TLE4: variants seen among roughly 807,000 people sequenced by gnomAD.
TLE4 encodes transducin-like enhancer protein 4.
In TLE4, 8 loss-of-function variants were observed where a neutral mutation model predicts 92.8. The observed-to-expected ratio is 0.09, with a 90% CI of 0.05 to 0.16. The LOEUF (loss-of-function observed/expected upper bound fraction) is 0.16, where lower values mean the gene tolerates loss of function less well. Ranked by LOEUF, TLE4 falls within the 10% of genes least tolerant of loss-of-function variation. The pLI, the probability that TLE4 is intolerant of heterozygous loss-of-function variation, is 1.00. For synonymous variants in TLE4, 371 were observed against 374.1 expected (o/e 0.99, Z 0.10); for missense variants, 675 against 997.6 (o/e 0.68, Z 4.36).
chr9:79,606,187 G>GTTTTTTTTTTTTTTTTTTTTT lies in TLE4; in HGVS notation c.253-6451_253-6431dup, dbSNP rs71364420. On this transcript the variant is annotated intron_variant, in intron 4 of 19. Coordinates refer to ENST00000376552, the MANE Select transcript of TLE4 (RefSeq NM_007005.6). Reference sequence around the variant, plus strand: ...ATTGCTTTATTAAGCAGTAGTAGTTGTTTTTTTTTTTTTTTTTTTTTTTTT... The same window carrying GTTTTTTTTTTTTTTTTTTTTT: ...ATTGCTTTATTAAGCAGTAGTAGTTGTTTTTTTTTTTTTTTTTTTTTTTTTTTTTTTTTTTTTTTTTTTTTT... Among the ~76,000 whole-genome samples the GTTTTTTTTTTTTTTTTTTTTT allele has an allele frequency of 7.3e-4, 21 of 28,710 alleles. 8 individuals are homozygous for GTTTTTTTTTTTTTTTTTTTTT. Among genetic ancestry groups the GTTTTTTTTTTTTTTTTTTTTT allele is most frequent in the East Asian group, 1.9e-3 (2 of 1,034 alleles). The allele number at this position is 28,710 out of a possible 152,430, so 18.8% of individuals were successfully genotyped here.
intron 4 of TLE4, among the ~76,000 whole-genome samples, chr9:79,605,448 T>C (rs981116173): frequency 1.9e-4 from 29 of 152,138 alleles, no homozygotes; most frequent in African/African-American, 7.0e-4. Context: ...ACTGTTAACA[T>C]TGGAGCAGTA....
rs115746466 is a variant in TLE4, at chr9:79,581,742, A to G, written c.252+5565A>G. Among the ~76,000 whole-genome samples the G allele has an allele frequency of 2.9e-3, 443 of 152,282 alleles. 2 individuals carry two copies. The highest frequency in any genetic ancestry group is 0.01 in the African/African-American group (419 of 41,564). ...TTTATGTGGGAGGATATCTCCTGGG[A>G]GATGGGTTTGCTATGGGTTAGAGAT... On this transcript the variant is annotated intron_variant, in intron 4 of 19. Coordinates refer to ENST00000376552, the MANE Select transcript of TLE4 (RefSeq NM_007005.6).
chr9:79,650,822 T>C (rs982324042), intron 6 of TLE4, among the ~76,000 whole-genome samples: 1 of 152,080 alleles, frequency 6.6e-6, no homozygotes, highest in African/African-American at 2.4e-5. Flanking sequence ...ATTGACTATA[T>C]TTTAAGTGCA....
At chr9:79,682,968 A>G (rs1194357841) in intron 8 of TLE4, among the ~76,000 whole-genome samples, 3 of 152,324 alleles carry the variant, frequency 2.0e-5, no homozygotes, top group East Asian at 3.9e-4. Flanking sequence ...TGAGTAAACT[A>G]TGGCCCACAG....
At chr9:79,573,565 A>C (rs1483436495) in intron 1 of TLE4, 124 bp from the exon 2 acceptor site, 129 of 862,376 alleles carry the variant, frequency 1.5e-4, no homozygotes, top group Non-Finnish European at 4.5e-5. Context: ...GGAGAGTTTT[A>C]ATCTCTCTTT....
intron 14 of TLE4, among the ~76,000 whole-genome samples, chr9:79,713,080 A>G (rs997965276): frequency 1.3e-5 from 2 of 152,226 alleles, no homozygotes; most frequent in Non-Finnish European, 2.9e-5. Flanking sequence ...TCGTATTTCA[A>G]TGTAAAATAC....
intron 5 of TLE4, among the ~76,000 whole-genome samples, chr9:79,624,655 C>T (rs1313998801): frequency 6.6e-6 from 1 of 152,126 alleles, no homozygotes; most frequent in Non-Finnish European, 1.5e-5. Flanking sequence ...TTCCGGTTTT[C>T]TGAAAAAATG....
At chr9:79,717,583 C>T (rs1265080093) in intron 14 of TLE4, among the ~76,000 whole-genome samples, 1 of 152,146 alleles carries the variant, frequency 6.6e-6, no homozygotes, top group Non-Finnish European at 1.5e-5. Context: ...TAGTTGAGGA[C>T]CATTCAATAA....
chr9:79,715,266 A>G (rs1338286392), intron 14 of TLE4, among the ~76,000 whole-genome samples: 1 of 152,214 alleles, frequency 6.6e-6, no homozygotes, highest in Admixed American at 6.5e-5. Context: ...TTAAGAATGT[A>G]TAACACCATC....
intron 19 of TLE4, 38 bp from the exon 20 acceptor site, chr9:79,724,999 C>G (rs1364225501): frequency 5.3e-6 from 8 of 1,504,284 alleles, no homozygotes; most frequent in Non-Finnish European, 7.4e-6. Flanking sequence ...GATTTTCTTT[C>G]AGTATTTAAC....
chr9:79,723,868 T>G (rs1187837876), intron 19 of TLE4, among the ~76,000 whole-genome samples: 2 of 152,240 alleles, frequency 1.3e-5, no homozygotes, highest in Non-Finnish European at 2.9e-5. Flanking sequence ...GGATTATCAC[T>G]TGTTAGATAG....
At chr9:79,645,581 T>C (rs894805877) in intron 6 of TLE4, among the ~76,000 whole-genome samples, 6 of 152,224 alleles carry the variant, frequency 3.9e-5, no homozygotes, top group African/African-American at 1.4e-4. Flanking sequence ...TATTCTCCAG[T>C]GGTCCTTTTC....
At position 79,666,054 on chromosome 9, in the gene TLE4, G is replaced by A. The variant is rs112043575; in HGVS notation, c.609+11979G>A. On this transcript the variant is annotated intron_variant, in intron 8 of 19. Coordinates refer to ENST00000376552, the MANE Select transcript of TLE4 (RefSeq NM_007005.6). ...CAAGAACTAAAAATCTGTAGACACTGGTGGTAAAAAGTAGAAATTCCACAA... is the reference window on the plus strand; with the variant it reads ...CAAGAACTAAAAATCTGTAGACACTAGTGGTAAAAAGTAGAAATTCCACAA... 4.9e-3 allele frequency among the ~76,000 whole-genome samples: 744 copies of A among 152,148 alleles called. 3 individuals carry two copies. Among genetic ancestry groups the A allele is most frequent in the Middle Eastern group, 0.01 (3 of 294 alleles).
chr9:79,638,945 C>A (rs1255714938), intron 6 of TLE4, among the ~76,000 whole-genome samples: 1 of 152,122 alleles, frequency 6.6e-6, no homozygotes, highest in African/African-American at 2.4e-5. Context: ...AAGGCTAAAG[C>A]ATTCCAGGAG....
chr9:79,721,325 G>C (rs1194377542), intron 16 of TLE4, among the ~76,000 whole-genome samples: 1 of 152,168 alleles, frequency 6.6e-6, no homozygotes, highest in African/African-American at 2.4e-5. Flanking sequence ...GACTGGTCCT[G>C]TCGCTCCCTG....
At chr9:79,583,679 A>T (rs1192533082) in intron 4 of TLE4, among the ~76,000 whole-genome samples, 2 of 151,968 alleles carry the variant, frequency 1.3e-5, no homozygotes, top group African/African-American at 4.8e-5. Flanking sequence ...TTATTTTCGA[A>T]CTATGTATTC....
intron 9 of TLE4, among the ~76,000 whole-genome samples, chr9:79,705,185 G>C (rs1207312617): frequency 1.3e-5 from 2 of 152,208 alleles, no homozygotes. Flanking sequence ...ATTCATTTCA[G>C]AGTGGTTGGA....
At chr9:79,587,503 A>G (rs1587738977) in intron 4 of TLE4, among the ~76,000 whole-genome samples, 2 of 152,198 alleles carry the variant, frequency 1.3e-5, no homozygotes, top group African/African-American at 4.8e-5. Context: ...ATTCATCCCT[A>G]CTTCCATTGC....
intron 8 of TLE4, among the ~76,000 whole-genome samples, chr9:79,691,961 C>G (rs1271284093): frequency 1.3e-5 from 2 of 152,326 alleles, no homozygotes; most frequent in East Asian, 3.9e-4. Context: ...CATTCGCCCT[C>G]TTAATTGTAT....
Sources: gnomAD v4.1 joint callset for allele counts (sites outside exome capture counted in the v4.1 genomes callset) on GRCh38, gnomAD v4.1.1 for gene constraint, MANE v1.5 for transcripts, NCBI Gene and HGNC (gene_info 2026-07-23, HGNC 2026-07-21) for gene names.